LARP1B: variants seen among roughly 807,000 people sequenced by gnomAD.
LARP1B encodes the protein la-related protein 1B.
LARP1B carries 76 observed loss-of-function variants against 114.2 expected under a neutral mutation model. The ratio of observed to expected loss-of-function variants is 0.67; its 90% CI spans 0.55 to 0.81. The LOEUF is 0.81. Ranked by LOEUF, LARP1B falls within the 30% of genes least tolerant of loss-of-function variation. LARP1B has a pLI of 0.00. For synonymous variants in LARP1B, 345 were observed against 348.0 expected (o/e 0.99, Z 0.10); for missense variants, 1,014 against 1,075.8 (o/e 0.94, Z 0.80).
chr4:128,132,943 C>A (rs958784457), intron 11 of LARP1B, among the ~76,000 whole-genome samples: 1 of 151,922 alleles, frequency 6.6e-6, no homozygotes, highest in Non-Finnish European at 1.5e-5. Context: ...AATGACAGAT[C>A]ATCAAGCATT....
intron 11 of LARP1B, among the ~76,000 whole-genome samples, chr4:128,134,711 C>T (rs1027246771): frequency 2.6e-5 from 4 of 152,042 alleles, no homozygotes; most frequent in African/African-American, 9.7e-5. Context: ...GATTAGTATC[C>T]TGAGTATATA....
chr4:128,114,864 T>C, intron 10 of LARP1B, 122 bp downstream of exon 10: 1 of 773,872 alleles, frequency 1.3e-6, no homozygotes, highest in Non-Finnish European at 2.1e-6. Context: ...TTTAACTTTG[T>C]AATTGTTGGC....
At chr4:128,138,163 A>G (rs1411929370) in intron 11 of LARP1B, among the ~76,000 whole-genome samples, 4 of 152,332 alleles carry the variant, frequency 2.6e-5, no homozygotes, top group South Asian at 2.1e-4. Context: ...CTAACGCACA[A>G]TAGAGGATTA....
chr4:128,195,574 C>T (rs911368401), intron 15 of LARP1B, among the ~76,000 whole-genome samples: 2 of 152,094 alleles, frequency 1.3e-5, no homozygotes, highest in African/African-American at 4.8e-5. Context: ...CTTCTTTAGA[C>T]AATAAGTTCT....
chr4:128,067,710 C>CT (rs66709998), intron 1 of LARP1B, among the ~76,000 whole-genome samples: 49 of 145,180 alleles, frequency 3.4e-4, no homozygotes, highest in East Asian at 6.0e-4. Context: ...TGGATACCTC[C>CT]TTTTTTTTTT....
chr4:128,070,328 A>G (rs1764743741), intron 1 of LARP1B, among the ~76,000 whole-genome samples: 1 of 151,966 alleles, frequency 6.6e-6, no homozygotes. Flanking sequence ...TCAAAAAAAA[A>G]AAGAAGATAA....
At chr4:128,111,440 C>G (rs1054591693) in intron 9 of LARP1B, among the ~76,000 whole-genome samples, 2 of 152,040 alleles carry the variant, frequency 1.3e-5, no homozygotes, top group Non-Finnish European at 2.9e-5. Context: ...TAGCTCATGC[C>G]TATAATCGCA....
chr4:128,063,513 C>T (rs1481382708), intron 1 of LARP1B, among the ~76,000 whole-genome samples: 4 of 149,436 alleles, frequency 2.7e-5, no homozygotes, highest in African/African-American at 9.9e-5. Flanking sequence ...GGCGCGGTGG[C>T]TCACGCCTGT....
At chr4:128,103,379 G>GA (rs1008295216) in intron 8 of LARP1B, among the ~76,000 whole-genome samples, 89 of 150,880 alleles carry the variant, frequency 5.9e-4, no homozygotes, top group African/African-American at 2.1e-3. Context: ...ATTGTCCAAG[G>GA]AAAAAAAAGG....
chr4:128,206,405 A>C (rs1452770803), intron 17 of LARP1B, 23 bp from the exon 18 acceptor site: 1 of 1,406,870 alleles, frequency 7.1e-7, no homozygotes, highest in Admixed American at 2.1e-5. Flanking sequence ...TTTTATTATA[A>C]ACCTTTTATT....
intron 15 of LARP1B, among the ~76,000 whole-genome samples, chr4:128,195,736 G>A (rs946254064): frequency 3.3e-5 from 5 of 152,088 alleles, no homozygotes; most frequent in Admixed American, 2.6e-4. Flanking sequence ...CGGCAACCTA[G>A]CTTTATACTT....
intron 11 of LARP1B, among the ~76,000 whole-genome samples, chr4:128,138,196 C>T (rs1726310355): frequency 1.3e-5 from 2 of 151,796 alleles, no homozygotes; most frequent in Admixed American, 6.6e-5. Context: ...CTTAATTTTT[C>T]AAAAAGGCTA....
At chr4:128,187,097 A>G (rs926021199) in intron 15 of LARP1B, among the ~76,000 whole-genome samples, 6 of 152,216 alleles carry the variant, frequency 3.9e-5, no homozygotes, top group Non-Finnish European at 8.8e-5. Flanking sequence ...GAACCTCTAC[A>G]AGGACAGTGC....
At chr4:128,183,820 G>T (rs899462549) in intron 15 of LARP1B, among the ~76,000 whole-genome samples, 11 of 152,342 alleles carry the variant, frequency 7.2e-5, no homozygotes, top group African/African-American at 2.6e-4. Context: ...ATAGGAGGAA[G>T]TCAAAATATC....
intron 4 of LARP1B, among the ~76,000 whole-genome samples, chr4:128,079,164 G>A (rs1242621782): frequency 6.7e-6 from 1 of 148,392 alleles, no homozygotes; most frequent in African/African-American, 2.5e-5. Context: ...GCCCAGTCTT[G>A]ACTCACTGCA....
chr4:128,085,594 C>G (rs1265016539), intron 5 of LARP1B, among the ~76,000 whole-genome samples: 1 of 152,100 alleles, frequency 6.6e-6, no homozygotes, highest in South Asian at 2.1e-4. Context: ...TCTTGAACTC[C>G]TAGCCTCAAG....
Position 128,113,424 on chromosome 4 carries a change from C to T in LARP1B, c.989-1146C>T, listed in dbSNP as rs1307007118. ...AGCGCAGATCTTAGCTCACTGCAAC[C>T]TCTGCCTTGCGGATTCAAGCAATTC... is the stretch of plus-strand genomic sequence containing the variant. On this transcript the variant is annotated intron_variant, in intron 9 of 19. Coordinates refer to ENST00000326639, the MANE Select transcript of LARP1B (RefSeq NM_018078.4). Among the ~76,000 whole-genome samples the T allele has an allele frequency of 2.6e-5, 4 of 151,140 alleles. No homozygotes were observed. In the East Asian group the frequency reaches 5.8e-4, roughly 22 times the overall value.
intron 5 of LARP1B, among the ~76,000 whole-genome samples, chr4:128,085,278 T>C (rs1014682219): frequency 2.0e-5 from 3 of 151,834 alleles, no homozygotes; most frequent in Admixed American, 6.6e-5. Context: ...GTAATTACTG[T>C]GTAATTTGTG....
intron 8 of LARP1B, among the ~76,000 whole-genome samples, chr4:128,102,766 T>G (rs542968905): frequency 6.6e-6 from 1 of 152,364 alleles, no homozygotes; most frequent in Admixed American, 6.5e-5. Context: ...CGTAATATCT[T>G]CATGCTTCAA....
Sources: allele counts gnomAD v4.1 joint callset (sites outside exome capture counted in the v4.1 genomes callset), GRCh38; gene constraint gnomAD v4.1.1; transcripts MANE v1.5; gene names NCBI Gene and HGNC (gene_info 2026-07-23, HGNC 2026-07-21).